The following CBX5 variants were observed in gnomAD, a reference collection of about 807,000 sequenced individuals.
CBX5 encodes chromobox 5, also known as chromobox protein homolog 5.
A neutral mutation model predicts 20.7 loss-of-function variants in CBX5; 7 were observed. The observed-to-expected ratio is 0.34, with a 90% CI of 0.19 to 0.63. The LOEUF is 0.63. CBX5 is among the 30% of genes least tolerant of loss of function. The pLI is 0.75. For missense variants in CBX5, 110 were observed against 224.1 expected, an observed-to-expected ratio of 0.49 and a Z score of 3.25; for synonymous variants, 78 against 77.0, an observed-to-expected ratio of 1.01 and a Z score of -0.07.
At chr12:54,252,490 A>G in intron 2 of CBX5, 1 of 358,988 alleles carries the variant, frequency 2.8e-6, no homozygotes. Context: ...ATGTTCATCA[A>G]TGGATGGTGA....
At chr12:54,273,993 G>T (rs982251766) in intron 1 of CBX5, 3 of 152,110 alleles carry the variant, frequency 2.0e-5, no homozygotes, top group African/African-American at 7.2e-5. Context: ...CATTTCAAAG[G>T]GTAAATTGAG....
In CBX5 at chr12:54,235,651, A is replaced by G. The variant is rs1236543272; in HGVS notation, c.*6104T>C. The G allele has an allele frequency of 6.6e-6, 1 of 152,180 alleles. No individual in the cohort carries two copies. Among genetic ancestry groups the G allele is most frequent in the African/African-American group, 2.4e-5 (1 of 41,446 alleles). The allele number at this position is 152,180 out of a possible 1,614,324, so 9.4% of individuals were successfully genotyped here. On this transcript the variant is annotated 3_prime_UTR_variant, in exon 5 of 5. Coordinates refer to ENST00000209875, the MANE Select transcript of CBX5 (RefSeq NM_012117.3). Reference sequence around the variant, plus strand: ...ATCACCCTCTCTCCAGTATTGAATAAAACTGCACTGCTCAGAGTAGATGCT... The same window carrying G: ...ATCACCCTCTCTCCAGTATTGAATAGAACTGCACTGCTCAGAGTAGATGCT...
At position 54,243,699 on chromosome 12, in the gene CBX5, T is replaced by C. The variant is rs571933766; in HGVS notation, c.426-1794A>G. Among the ~76,000 whole-genome samples the C allele has an allele frequency of 4.6e-5, 7 of 152,128 alleles. No individual in the cohort carries two copies. In the Middle Eastern group the frequency reaches 0.014, roughly 296 times the overall value. ...GCCTGGCCAACATGATGAAACCCTG[T>C]CTCTACTAAAAATATAAAAATTGCC... On this transcript the variant is annotated intron_variant, in intron 4 of 4. Coordinates refer to ENST00000209875, the MANE Select transcript of CBX5 (RefSeq NM_012117.3).
chr12:54,268,018 C>T (rs2137028861), intron 1 of CBX5, among the ~76,000 whole-genome samples: 1 of 152,234 alleles, frequency 6.6e-6, no homozygotes, highest in African/African-American at 2.4e-5. Context: ...GTGGTGGGCG[C>T]CTGTAATCCC....
At chr12:54,249,995 G>A (rs917534245) in intron 3 of CBX5, among the ~76,000 whole-genome samples, 1 of 152,138 alleles carries the variant, frequency 6.6e-6, no homozygotes, top group Non-Finnish European at 1.5e-5. Flanking sequence ...GGCCAAGGCA[G>A]GTGGATCACC....
chr12:54,248,380 C>A (rs1215016070), intron 3 of CBX5, among the ~76,000 whole-genome samples: 1 of 152,132 alleles, frequency 6.6e-6, no homozygotes, highest in Non-Finnish European at 1.5e-5. Flanking sequence ...TTAGAGATGC[C>A]CAAATGAACT....
chr12:54,258,975 T>TG (rs151003125), intron 1 of CBX5, among the ~76,000 whole-genome samples: 4,336 of 152,254 alleles, frequency 0.028, 207 homozygotes, highest in African/African-American at 0.096. Flanking sequence ...AATATATAGT[T>TG]GGAGACCATA....
rs368021809 is a variant in CBX5 at position 54,251,555 on chromosome 12, G to C, written c.324+486C>G. 1.1e-4 allele frequency among the ~76,000 whole-genome samples: 16 copies of C among 151,246 alleles called. No individual in the cohort carries two copies. In the East Asian group the frequency reaches 1.6e-3, roughly 15 times the overall value. On this transcript the variant is annotated intron_variant, in intron 3 of 4. Coordinates refer to ENST00000209875, the MANE Select transcript of CBX5 (RefSeq NM_012117.3). ...AAAAAAAAAAAATCAGCCAGGTGTG[G>C]TGGCATGTGCCTATAATCCCAGCTA... is the stretch of plus-strand genomic sequence containing the variant.
intron 2 of CBX5, among the ~76,000 whole-genome samples, chr12:54,254,570 C>A (rs374907469): frequency 2.6e-5 from 4 of 151,882 alleles, no homozygotes; most frequent in African/African-American, 9.7e-5. Context: ...AAAAATTCCT[C>A]GGCCGGGCAC....
At chr12:54,277,362 C>T (rs1273338389) in intron 1 of CBX5, among the ~76,000 whole-genome samples, 1 of 152,216 alleles carries the variant, frequency 6.6e-6, no homozygotes, top group African/African-American at 2.4e-5. Context: ...CGCCACCACA[C>T]CTGGCTAATT....
chr12:54,260,156 C>A (rs574126169), intron 1 of CBX5, among the ~76,000 whole-genome samples: 9 of 115,472 alleles, frequency 7.8e-5, no homozygotes, highest in Non-Finnish European at 1.1e-4. Context: ...ACCAAAACAA[C>A]AACCAAAAAA....
Position 54,238,746 on chromosome 12 carries a change from T to TA in CBX5, c.*3008dup, listed in dbSNP as rs1397081851. 1 of 152,242 alleles carries TA rather than the reference T, an allele frequency of 6.6e-6. No homozygotes were observed. Among genetic ancestry groups the TA allele is most frequent in the Non-Finnish European group, 1.5e-5 (1 of 68,032 alleles). 9.4% of individuals were successfully genotyped at this position (152,242 alleles called of 1,614,324 possible). A position where few individuals can be genotyped will look rare whatever the true frequency, so the allele number is the denominator to read the frequency against. ...CCCAGCCCAGCAATCAAAGGGCTGC[T>TA]AAGCTGTCCTTGGTAGCCTCTACTG... is the stretch of plus-strand genomic sequence containing the variant. On this transcript the variant is annotated 3_prime_UTR_variant, in exon 5 of 5. Transcript: ENST00000209875.
rs917011055 is a variant in CBX5 at position 54,232,094 on chromosome 12, T to A, written c.*9661A>T. On this transcript the variant is annotated 3_prime_UTR_variant, in exon 5 of 5. Transcript: ENST00000209875. ...CTGCAGAGAGAAATACGCAGTAGCATCCCTGCCTCACGATTCCCTAATCCA... is the reference window on the plus strand; with the variant it reads ...CTGCAGAGAGAAATACGCAGTAGCAACCCTGCCTCACGATTCCCTAATCCA... 2 of 152,136 alleles carry A rather than the reference T, an allele frequency of 1.3e-5. No homozygotes were observed. Among genetic ancestry groups the A allele is most frequent in the African/African-American group, 4.8e-5 (2 of 41,414 alleles). 9.4% of individuals were successfully genotyped at this position (152,136 alleles called of 1,614,324 possible). A position where few individuals can be genotyped will look rare whatever the true frequency, so the allele number is the denominator to read the frequency against.
intron 3 of CBX5, among the ~76,000 whole-genome samples, chr12:54,250,031 T>C (rs1943777500): frequency 1.3e-5 from 2 of 151,986 alleles, no homozygotes; most frequent in South Asian, 4.1e-4. Context: ...AAGACCACCC[T>C]GACCAACATG....
intron 1 of CBX5, chr12:54,259,512 A>G (rs1427835402): frequency 1.3e-5 from 2 of 152,658 alleles, no homozygotes; most frequent in African/African-American, 4.8e-5. Flanking sequence ...TACCTACCGG[A>G]TCGCCCCAGT....
At chr12:54,259,736 G>C (rs539401011) in intron 1 of CBX5, 3 of 152,862 alleles carry the variant, frequency 2.0e-5, no homozygotes, top group South Asian at 4.1e-4. Flanking sequence ...TGAAGACTGG[G>C]TGGAGAAATT....
chr12:54,254,406 G>A (rs1943843731), intron 2 of CBX5, among the ~76,000 whole-genome samples: 1 of 149,952 alleles, frequency 6.7e-6, no homozygotes. Context: ...CCTGACTCAA[G>A]TAGAAAGCAG....
intron 1 of CBX5, among the ~76,000 whole-genome samples, chr12:54,275,990 CAAAAA>C (rs55963261): frequency 3.3e-5 from 3 of 90,724 alleles, no homozygotes; most frequent in African/African-American, 4.5e-5. Flanking sequence ...GACTCCATTC[CAAAAA>C]AAAAAAAAAA....
At chr12:54,279,277 GA>G (rs897787147) in intron 1 of CBX5, among the ~76,000 whole-genome samples, 3 of 151,340 alleles carry the variant, frequency 2.0e-5, no homozygotes, top group African/African-American at 4.9e-5. Context: ...AGCGACTTCT[GA>G]AAGTATTATT....
Sources: gnomAD v4.1 joint callset for allele counts (sites outside exome capture counted in the v4.1 genomes callset) on GRCh38, gnomAD v4.1.1 for gene constraint, MANE v1.5 for transcripts, NCBI Gene and HGNC (gene_info 2026-07-23, HGNC 2026-07-21) for gene names.